LYZL2: variants seen among roughly 807,000 people sequenced by gnomAD.
LYZL2 encodes lysozyme-like protein 2.
Under a neutral mutation model 17.1 loss-of-function variants are expected in LYZL2, and 13 were observed. The ratio of observed to expected loss-of-function variants is 0.76; its 90% confidence interval spans 0.49 to 1.21. The LOEUF (loss-of-function observed/expected upper bound fraction) is 1.21. LYZL2 is among the 50% of genes most tolerant of loss of function. The pLI, the probability that LYZL2 is intolerant of heterozygous loss-of-function variation, is 0.00. For synonymous variants in LYZL2, 63 were observed against 74.4 expected, an observed-to-expected ratio of 0.85 and a Z score of 0.79; for missense variants, 166 against 189.2, an observed-to-expected ratio of 0.88 and a Z score of 0.72.
At chr10:30,612,734 G>A (rs1380634221) in intron 4 of LYZL2, 88 bp downstream of exon 4, 2 of 1,005,426 alleles carry the variant, frequency 2.0e-6, no homozygotes, top group Admixed American at 1.8e-5. Flanking sequence ...CTGCGGAGGT[G>A]AGTTTGTCAA....
intron 3 of LYZL2, among the ~76,000 whole-genome samples, chr10:30,616,757 G>A (rs1024238355): frequency 1.8e-4 from 27 of 152,176 alleles, no homozygotes; most frequent in African/African-American, 6.0e-4. Flanking sequence ...CCTGTATTCC[G>A]ATAGAGGGCT....
intron 3 of LYZL2, among the ~76,000 whole-genome samples, chr10:30,617,668 C>G (rs1169526564): frequency 3.8e-5 from 2 of 53,262 alleles, no homozygotes; most frequent in Non-Finnish European, 6.7e-5. Flanking sequence ...GAGTGAGACT[C>G]TGTCTCAAAA....
At chr10:30,621,198 A>C (rs1353406166) in intron 3 of LYZL2, among the ~76,000 whole-genome samples, 1 of 152,196 alleles carries the variant, frequency 6.6e-6, no homozygotes, top group African/African-American at 2.4e-5. Context: ...TAGAGAAAAA[A>C]AACACATATT....
intron 3 of LYZL2, among the ~76,000 whole-genome samples, chr10:30,615,483 C>T (rs1838512803): frequency 6.6e-6 from 1 of 152,056 alleles, no homozygotes; most frequent in South Asian, 2.1e-4. Context: ...TACTGTACTG[C>T]TTACTTGAAA....
intron 3 of LYZL2, among the ~76,000 whole-genome samples, chr10:30,625,519 A>ACT (rs3082016): frequency 0.17 from 26,078 of 151,774 alleles, 2,402 homozygotes; most frequent in East Asian, 0.25. Flanking sequence ...CCACAGACAG[A>ACT]CTGTCTCTAC....
At chr10:30,616,273 G>T (rs1201911192) in intron 3 of LYZL2, among the ~76,000 whole-genome samples, 3 of 152,150 alleles carry the variant, frequency 2.0e-5, no homozygotes, top group Non-Finnish European at 2.9e-5. Flanking sequence ...TATTAACCAG[G>T]AGAAAAAGTA....
intron 1 of LYZL2, 78 bp from the exon 2 acceptor site, chr10:30,627,018 C>T (rs1391354886): frequency 1.9e-6 from 3 of 1,566,370 alleles, no homozygotes; most frequent in Non-Finnish European, 2.6e-6. Context: ...CTGTGCACAG[C>T]CCTGCCTAGA....
downstream of LYZL2, among the ~76,000 whole-genome samples, chr10:30,607,864 T>TC (rs1838393983): frequency 6.6e-6 from 1 of 152,060 alleles, no homozygotes; most frequent in Non-Finnish European, 1.5e-5. Flanking sequence ...CCTCAAGCAG[T>TC]CGGACCCTTC....
At chr10:30,618,503 G>A (rs1838569992) in intron 3 of LYZL2, among the ~76,000 whole-genome samples, 1 of 152,152 alleles carries the variant, frequency 6.6e-6, no homozygotes, top group Admixed American at 6.5e-5. Flanking sequence ...ACAGAACAGA[G>A]CCCTCAGAAA....
At chr10:30,615,032 C>T (rs1838505159) in intron 3 of LYZL2, among the ~76,000 whole-genome samples, 1 of 152,088 alleles carries the variant, frequency 6.6e-6, no homozygotes, top group Non-Finnish European at 1.5e-5. Context: ...GAGAAATGCT[C>T]CCAATGCAAT....
intron 3 of LYZL2, among the ~76,000 whole-genome samples, chr10:30,622,295 C>T (rs1838634689): frequency 6.6e-6 from 1 of 152,042 alleles, no homozygotes; most frequent in South Asian, 2.1e-4. Context: ...TTCTGTAATC[C>T]CAGCACTTTG....
chr10:30,623,378 T>C (rs1023497413), intron 3 of LYZL2, among the ~76,000 whole-genome samples: 21 of 152,120 alleles, frequency 1.4e-4, no homozygotes, highest in African/African-American at 4.8e-4. Context: ...TATTAAAGGT[T>C]TGAAATCATA....
At chr10:30,613,748 C>G (rs1005402783) in intron 3 of LYZL2, among the ~76,000 whole-genome samples, 6 of 152,182 alleles carry the variant, frequency 3.9e-5, no homozygotes, top group Non-Finnish European at 8.8e-5. Flanking sequence ...CAGAATCTCA[C>G]TCTGTCACCC....
chr10:30,625,081 G>A (rs1160002681), intron 3 of LYZL2, among the ~76,000 whole-genome samples: 3 of 152,072 alleles, frequency 2.0e-5, no homozygotes, highest in Admixed American at 6.5e-5. Flanking sequence ...AAACCCAAAT[G>A]AGCAAGGACA....
intron 1 of LYZL2, among the ~76,000 whole-genome samples, chr10:30,628,132 C>A (rs921639061): frequency 6.6e-6 from 1 of 152,006 alleles, no homozygotes; most frequent in Non-Finnish European, 1.5e-5. Flanking sequence ...TGCACTCCAG[C>A]CTGGGCGACA....
rs367904191 is a variant in LYZL2, at chr10:30,612,773, A to G, written c.377+49T>C. On this transcript the variant is annotated intron_variant, in intron 4 of 4. Coordinates refer to ENST00000647634, the MANE Select transcript of LYZL2 (RefSeq NM_183058.3). ...CACCATAACTGTGATAAATACACAC[A>G]CTAGGTTTTGCCCATGACAGCCCAA... 2.2e-6 allele frequency: 3 copies of G among 1,386,182 alleles called. No individual in the cohort carries two copies. The African/African-American group carries it at 4.6e-5, about 21-fold the overall frequency. 85.9% of individuals were successfully genotyped at this position (1,386,182 alleles called of 1,614,324 possible). A position where few individuals can be genotyped will look rare whatever the true frequency, so the allele number is the denominator to read the frequency against.
chr10:30,618,088 G>A (rs1838562986), intron 3 of LYZL2, among the ~76,000 whole-genome samples: 1 of 151,164 alleles, frequency 6.6e-6, no homozygotes, highest in Non-Finnish European at 1.5e-5. Flanking sequence ...GCTTCAAAGA[G>A]AATAAAATAC....
chr10:30,608,373 T>C (rs1294522525), downstream of LYZL2, among the ~76,000 whole-genome samples: 1 of 152,268 alleles, frequency 6.6e-6, no homozygotes, highest in Non-Finnish European at 1.5e-5. Flanking sequence ...AAAATCTTTC[T>C]GGCTTTCTTG....
intron 3 of LYZL2, among the ~76,000 whole-genome samples, chr10:30,613,238 T>G (rs1181228315): frequency 6.6e-6 from 1 of 152,182 alleles, no homozygotes; most frequent in Non-Finnish European, 1.5e-5. Context: ...GTGGCTGACC[T>G]GCAATCCCAG....
Sources: allele counts gnomAD v4.1 joint callset (sites outside exome capture counted in the v4.1 genomes callset), GRCh38; gene constraint gnomAD v4.1.1; transcripts MANE v1.5; gene names NCBI Gene and HGNC (gene_info 2026-07-23, HGNC 2026-07-21).